The following CTSA variants were observed in gnomAD, a reference collection of about 807,000 sequenced individuals.
The protein encoded by CTSA is cathepsin A.
Under a neutral mutation model 66.7 loss-of-function variants are expected in CTSA, and 42 were observed. That is an observed-to-expected ratio of 0.63 (90% CI 0.49 to 0.81). The LOEUF is 0.81. Ranked by LOEUF, CTSA falls within the 40% of genes least tolerant of loss-of-function variation. The pLI is 0.00. For synonymous variants in CTSA, 225 were observed against 248.6 expected (o/e 0.91, Z 0.89); for missense variants, 525 against 610.9 (o/e 0.86, Z 1.48).
At position 45,898,104 on chromosome 20, in the gene CTSA, A is replaced by G. The variant is rs1447454936; in HGVS notation, c.1354A>G (p.Ile452Val). 3 of 1,613,792 alleles carry G rather than the reference A, an allele frequency of 1.9e-6. No individual in the cohort carries two copies. The highest frequency in any genetic ancestry group is 2.5e-6 in the Non-Finnish European group (3 of 1,179,822). The part of the protein sequence containing the change: ...KEFSHIAFLT[I>V]KGAGHMVPTD... ...GTTCTCCCACATCGCCTTTCTCACG[A>G]TCAAGGTAGGGACTGGGCCTGCTGA... The change falls in exon 14 of 15, where the codon ATC (isoleucine) becomes GTC (valine). Residue 452 changes from isoleucine (I) to valine (V), a missense_variant. Ile to Val is a conservative substitution (Grantham distance 29). Coordinates refer to ENST00000646241, the MANE Select transcript of CTSA (RefSeq NM_000308.4). This position sits in a 1 kb window ranked among gnomAD's most constrained non-coding sequence, Gnocchi z 4.6.
rs1164964494 is a variant in CTSA, at chr20:45,895,011, G to C, written c.966G>C (p.Gly322=). ...RMWHQALLRS[G]DKVRMDPPCT... is the part of the protein sequence containing the mutation. ...CCTTCCAGGCACTGCTGCGCTCAGGGGATAAAGTGCGCATGGACCCCCCCT... is the reference window on the plus strand; with the variant it reads ...CCTTCCAGGCACTGCTGCGCTCAGGCGATAAAGTGCGCATGGACCCCCCCT... Residue 322 remains glycine, a synonymous_variant, in exon 11 of 15, where the codon GGG becomes GGC. Coordinates refer to ENST00000646241, the MANE Select transcript of CTSA (RefSeq NM_000308.4). 1.2e-6 allele frequency: 2 copies of C among 1,614,050 alleles called. No individual in the cohort carries two copies. Among genetic ancestry groups the C allele is most frequent in the Non-Finnish European group, 1.7e-6 (2 of 1,180,034 alleles).
rs11538053 is a variant in CTSA at position 45,891,941 on chromosome 20, G to A, written c.220G>A (p.Glu74Lys). Residue 74 changes from glutamate (E) to lysine (K), a missense_variant, in exon 3 of 15, where the codon GAG (glutamate) becomes AAG (lysine). Coordinates refer to ENST00000646241, the MANE Select transcript of CTSA (RefSeq NM_000308.4). The surrounding 1 kb of genome is among the most constrained non-coding windows in gnomAD (Gnocchi z 4.6). ...GTTTGTGGAGTCCCAGAAGGATCCC[G>A]AGAACAGCCCTGTGGTGCTTTGGCT... ...YWFVESQKDP[E>K]NSPVVLWLNG... The A allele has an allele frequency of 2.5e-6, 4 of 1,614,142 alleles. No homozygotes were observed. Among genetic ancestry groups the A allele is most frequent in the Non-Finnish European group, 3.4e-6 (4 of 1,180,020 alleles).
chr20:45,892,581 GCT>G, intron 5 of CTSA, 97 bp downstream of exon 5: 1 of 1,509,082 alleles, frequency 6.6e-7, no homozygotes, highest in Non-Finnish European at 9.2e-7. Context: ...TCTACTTTTC[GCT>G]CTGTCATATG....
Position 45,893,242 on chromosome 20 carries a change from TCTC to T in CTSA, c.629_631del (p.Ser210del), listed in dbSNP as rs1555832780. ...CAGGGGCTGGCTGTGGGCAATGGAC[TCTC>T]CTCCTATGAGCAGAATGACAACTCC... On this transcript the variant is annotated inframe_deletion, in exon 7 of 15. Coordinates refer to ENST00000646241, the MANE Select transcript of CTSA (RefSeq NM_000308.4). The T allele has an allele frequency of 3.1e-6, 5 of 1,614,084 alleles. No individual in the cohort carries two copies. Among genetic ancestry groups the T allele is most frequent in the Non-Finnish European group, 4.2e-6 (5 of 1,179,994 alleles).
chr20:45,897,881 A>C, intron 13 of CTSA, 75 bp downstream of exon 13: 1 of 1,508,726 alleles, frequency 6.6e-7, no homozygotes, highest in Non-Finnish European at 9.2e-7. Flanking sequence ...GGGAGTGGCC[A>C]GCTGGCTGCC....
rs377390291 is a variant in CTSA at position 45,891,372 on chromosome 20, G to T, written c.-8G>T. The T allele has an allele frequency of 1.3e-6, 2 of 1,573,016 alleles. No homozygotes were observed. The highest frequency in any genetic ancestry group is 1.7e-6 in the Non-Finnish European group (2 of 1,159,804). On this transcript the variant is annotated 5_prime_UTR_variant, in exon 1 of 15. Coordinates refer to ENST00000646241, the MANE Select transcript of CTSA (RefSeq NM_000308.4). The surrounding 1 kb of genome is among the most constrained non-coding windows in gnomAD (Gnocchi z 4.6). ...CCTCCTGGAGAGCAAGGACGCGGGG[G>T]AGCAGAGGTGAGCTGGCACCGGAGG...
intron 10 of CTSA, 22 bp downstream of exon 10, chr20:45,894,923 C>T (rs770115913): frequency 1.9e-6 from 3 of 1,614,034 alleles, no homozygotes; most frequent in African/African-American, 2.7e-5. Flanking sequence ...CGTGGGCTTC[C>T]TCCTGGTGAG....
rs201630196 is a variant in CTSA at position 45,894,726 on chromosome 20, T to C, written c.854T>C (p.Val285Ala). The C allele has an allele frequency of 1.2e-6, 2 of 1,613,946 alleles. No individual in the cohort carries two copies. The highest frequency in any genetic ancestry group is 1.3e-5 in the African/African-American group (1 of 74,942). ...YNLYAPCAGG[V>A]PSHFRYEKDT... ...CTCTATGCCCCGTGTGCTGGAGGGGTGCCCAGCCATTTTAGGTAGGTGCTG... is the reference window on the plus strand; with the variant it reads ...CTCTATGCCCCGTGTGCTGGAGGGGCGCCCAGCCATTTTAGGTAGGTGCTG... The change falls in exon 9 of 15, where the codon GTG becomes GCG. Residue 285 changes from valine to alanine, a missense_variant. Val to Ala is a moderately conservative substitution (Grantham distance 64, BLOSUM62 0). Coordinates refer to ENST00000646241, the MANE Select transcript of CTSA (RefSeq NM_000308.4).
intron 5 of CTSA, 97 bp downstream of exon 5, chr20:45,892,581 GC>G: frequency 6.6e-7 from 1 of 1,509,082 alleles, no homozygotes; most frequent in Non-Finnish European, 9.2e-7. Context: ...TCTACTTTTC[GC>G]TCTGTCATAT....
chr20:45,897,982 T>C, intron 13 of CTSA, 23 bp from the exon 14 acceptor site: 2 of 1,611,780 alleles, frequency 1.2e-6, no homozygotes, highest in South Asian at 2.2e-5. Context: ...TGCTGTAGGC[T>C]GATGTCTTTC....
At chr20:45,892,903 A>T (rs1987045842) in intron 6 of CTSA, 23 bp downstream of exon 6, 1 of 1,613,360 alleles carries the variant, frequency 6.2e-7, no homozygotes, top group Non-Finnish European at 8.5e-7. Flanking sequence ...TGCAGGAGGG[A>T]AGGGAGGTAG....
In CTSA at chr20:45,891,598, CCT is replaced by C; in HGVS notation, c.31_32del (p.Leu11AlafsTer128). MIRAAPPPLFLLLLLLLLLVS... is the reference protein window; with the variant it reads MIRAAPPPLFXLLLLLLLLVS... The stretch of plus-strand genomic sequence containing the variant: ...TCCGAGCCGCGCCGCCGCCGCTGTT[CCT>C]GCTGCTGCTGCTGCTGCTGCTGCTA... On this transcript the variant is annotated frameshift_variant, in exon 2 of 15. Coordinates refer to ENST00000646241, the MANE Select transcript of CTSA (RefSeq NM_000308.4). LOFTEE classifies it high-confidence loss of function. The surrounding 1 kb of genome is among the most constrained non-coding windows in gnomAD (Gnocchi z 4.6). The C allele has an allele frequency of 6.3e-7, 1 of 1,581,770 alleles. No homozygotes were observed.
intron 11 of CTSA, chr20:45,896,729 G>A (rs56964214): frequency 5.0e-5 from 27 of 540,934 alleles, no homozygotes; most frequent in South Asian, 4.5e-4. Flanking sequence ...GAGCCACCAC[G>A]CCCAGCATCC....
intron 7 of CTSA, 71 bp from the exon 8 acceptor site, chr20:45,893,917 G>A (rs574555030): frequency 6.6e-4 from 606 of 912,416 alleles, no homozygotes; most frequent in Non-Finnish European, 5.9e-4. Flanking sequence ...GGAGGTGGGG[G>A]GTATGCTCGC....
At chr20:45,893,407 G>A (rs1987078179) in intron 7 of CTSA, 96 bp downstream of exon 7, 2 of 914,638 alleles carry the variant, frequency 2.2e-6, no homozygotes, top group Admixed American at 1.8e-5. Flanking sequence ...GCCCAGCCCA[G>A]GTTTATGAGC....
chr20:45,898,431 T>C lies in CTSA; in HGVS notation c.1424T>C (p.Leu475Pro). Residue 475 changes from leucine to proline, a missense_variant, in exon 15 of 15, where the codon CTG becomes CCG. Leu to Pro is a moderately conservative substitution (Grantham distance 98, BLOSUM62 -3). This residue lies in a region of CTSA where 274 missense variants were observed against 321.1 expected (regional missense o/e 0.85). Coordinates refer to ENST00000646241, the MANE Select transcript of CTSA (RefSeq NM_000308.4). This position sits in a 1 kb window ranked among gnomAD's most constrained non-coding sequence, Gnocchi z 4.6. ...LAAFTMFSRF[L>P]NKQPY ...GCCTTCACCATGTTCTCCCGCTTCC[T>C]GAACAAGCAGCCATACTGATGACCA... 1 of 1,613,924 alleles carries C rather than the reference T, an allele frequency of 6.2e-7. No individual in the cohort carries two copies. Among genetic ancestry groups the C allele is most frequent in the Non-Finnish European group, 8.5e-7 (1 of 1,179,974 alleles).
At chr20:45,894,360 T>C in intron 8 of CTSA, 2 of 607,404 alleles carry the variant, frequency 3.3e-6, no homozygotes, top group Admixed American at 2.8e-5. Context: ...TTATTTAAGC[T>C]TCAAGATTCC....
rs4810476 is a variant in CTSA at position 45,893,955 on chromosome 20, A to G, written c.693-33A>G. The G allele has an allele frequency of 0.65, 904,248 of 1,393,124 alleles. 295,240 individuals are homozygous for G. Among genetic ancestry groups the G allele is most frequent in the Admixed American group, 0.76 (45,395 of 59,698 alleles). The allele number at this position is 1,393,124 out of a possible 1,614,324, so 86.3% of individuals were successfully genotyped here. A position where few individuals can be genotyped will look rare whatever the true frequency, so the allele number is the denominator to read the frequency against. On this transcript the variant is annotated intron_variant, in intron 7 of 14. Transcript: ENST00000646241. ...CCTCTGCCTTCCTCTTCCCACCAGCAGCTGATGCGCTTTTCACTCTCATCT... is the reference window on the plus strand; with the variant it reads ...CCTCTGCCTTCCTCTTCCCACCAGCGGCTGATGCGCTTTTCACTCTCATCT...
rs367548341 is a variant in CTSA, at chr20:45,898,128, G to T, written c.1359+19G>T. ...GATCAAGGTAGGGACTGGGCCTGCT[G>T]AGAGATAACTGGGCCGGAGGCAAAG... On this transcript the variant is annotated intron_variant, in intron 14 of 14. Coordinates refer to ENST00000646241, the MANE Select transcript of CTSA (RefSeq NM_000308.4). This position sits in a 1 kb window ranked among gnomAD's most constrained non-coding sequence, Gnocchi z 4.6. The T allele has an allele frequency of 5.6e-6, 9 of 1,609,236 alleles. 1 individual carries two copies. The South Asian group carries it at 8.8e-5, about 16-fold the overall frequency.
Sources: allele counts gnomAD v4.1 joint callset, GRCh38; gene constraint gnomAD v4.1.1; regional missense constraint gnomAD v4.1.1; non-coding constraint Gnocchi (gnomAD v3.1); transcripts MANE v1.5; gene names NCBI Gene and HGNC (gene_info 2026-07-23, HGNC 2026-07-21).